Variants in SPATA31E1 observed in about 807,000 individuals in gnomAD.
The protein encoded by SPATA31E1 is SPATA31 subfamily E member 1.
A neutral mutation model predicts 12.9 loss-of-function variants in SPATA31E1; 7 were observed. That is an observed-to-expected ratio of 0.54 (90% confidence interval 0.31 to 1.02). The LOEUF is 1.02. Among genes scored for constraint, SPATA31E1 ranks in the 50% least tolerant of loss-of-function variants. The pLI, the probability that SPATA31E1 is intolerant of heterozygous loss-of-function variation, is 0.05. For synonymous variants in SPATA31E1, 771 were observed against 719.0 expected (o/e 1.07, Z -1.16); for missense variants, 1,961 against 1,799.8 (o/e 1.09, Z -1.62).
In SPATA31E1 at chr9:87,887,942, C is replaced by A; in HGVS notation, c.3455C>A (p.Thr1152Asn). 6.2e-7 allele frequency: 1 copy of A among 1,613,942 alleles called. No individual in the cohort carries two copies. Among genetic ancestry groups the A allele is most frequent in the Non-Finnish European group, 8.5e-7 (1 of 1,180,046 alleles). The change falls in exon 4 of 4, where the codon ACC becomes AAC. Residue 1152 changes from threonine (T) to asparagine (N), a missense_variant. By Grantham distance (65) the Thr-to-Asn change is moderately conservative. Transcript: ENST00000325643. ...DRLPTQAPLS[T>N]SQSVSGKNMT... is the part of the protein sequence containing the mutation. Reference sequence around the variant, plus strand: ...CTGCCCACTCAAGCCCCTCTGTCCACCTCCCAGAGTGTGTCTGGTAAGAAC... The same window carrying A: ...CTGCCCACTCAAGCCCCTCTGTCCAACTCCCAGAGTGTGTCTGGTAAGAAC...
chr9:87,883,858 TAA>T, intron 1 of SPATA31E1, 132 bp from the exon 2 acceptor site: 1 of 941,810 alleles, frequency 1.1e-6, no homozygotes, highest in Non-Finnish European at 1.6e-6. Context: ...TAAACATGAG[TAA>T]AAAGCACACA....
chr9:87,883,000 G>C lies in SPATA31E1; in HGVS notation c.109G>C (p.Asp37His), dbSNP rs151138751. 7.4e-6 allele frequency: 12 copies of C among 1,612,934 alleles called. No individual in the cohort carries two copies. The highest frequency in any genetic ancestry group is 1.1e-5 in the South Asian group (1 of 90,998). ...ACCATCTGTGGAGTGCACAGGAGAC[G>C]ACATTGCACTTCAGATGGAGAAAAT... is the stretch of plus-strand genomic sequence containing the variant. ...PRPSVECTGD[D>H]IALQMEKMLF... is the part of the protein sequence containing the mutation. Residue 37 changes from aspartate (D) to histidine (H), a missense_variant, in exon 1 of 4, where the codon GAC becomes CAC. By Grantham distance (81) the Asp-to-His change is moderately conservative. Transcript: ENST00000325643.
At chr9:87,883,916 A>C in intron 1 of SPATA31E1, 76 bp from the exon 2 acceptor site, 2 of 1,514,856 alleles carry the variant, frequency 1.3e-6, no homozygotes, top group Non-Finnish European at 1.8e-6. Flanking sequence ...CCTCATGAGC[A>C]CTGCGTGTGT....
intron 2 of SPATA31E1, among the ~76,000 whole-genome samples, 187 bp from the exon 3 acceptor site, chr9:87,884,404 T>C (rs1828224943): frequency 2.0e-5 from 3 of 152,244 alleles, no homozygotes; most frequent in African/African-American, 7.2e-5. Context: ...AAGCACTTTT[T>C]GCAAATGACA....
rs1177683970 is a variant in SPATA31E1, at chr9:87,887,451, G to C, written c.2964G>C (p.Gly988=). ...GGAAACCCAAACCCAGACTAGAGGG[G>C]AGTATGGGTTCAGAAATGGCTGGGA... is the stretch of plus-strand genomic sequence containing the variant. ...ESGKPKPRLE[G]SMGSEMAGNE... is the part of the protein sequence containing the mutation. Residue 988 remains glycine, a synonymous_variant, in exon 4 of 4, where the codon GGG becomes GGC. Coordinates refer to ENST00000325643, the MANE Select transcript of SPATA31E1 (RefSeq NM_178828.5). 6.2e-7 allele frequency: 1 copy of C among 1,613,790 alleles called. No individual in the cohort carries two copies. The highest frequency in any genetic ancestry group is 1.3e-5 in the African/African-American group (1 of 74,938).
rs1828284326 is a variant in SPATA31E1, at chr9:87,886,781, T to G, written c.2294T>G (p.Leu765Arg). 1 of 1,613,966 alleles carries G rather than the reference T, an allele frequency of 6.2e-7. No homozygotes were observed. Among genetic ancestry groups the G allele is most frequent in the African/African-American group, 1.3e-5 (1 of 74,902 alleles). The change falls in exon 4 of 4, where the codon CTG becomes CGG. Residue 765 changes from leucine to arginine, a missense_variant. Physicochemically the swap from Leu to Arg is moderately radical, Grantham distance 102. Transcript: ENST00000325643. ...GACAAGGAGCATCTGGAAAACAAGC[T>G]GCAAATCCATCTGGCCAGGAAGGTA... is the stretch of plus-strand genomic sequence containing the variant. Reference protein sequence around the residue: ...DPDKEHLENKLQIHLARKVGE... With the variant: ...DPDKEHLENKRQIHLARKVGE...
In SPATA31E1 at chr9:87,886,715, C is replaced by T. The variant is rs1354793762; in HGVS notation, c.2228C>T (p.Ser743Phe). 1 of 1,613,806 alleles carries T rather than the reference C, an allele frequency of 6.2e-7. No homozygotes were observed. Among genetic ancestry groups the T allele is most frequent in the African/African-American group, 1.3e-5 (1 of 74,916 alleles). The change falls in exon 4 of 4, where the codon TCC becomes TTC. Residue 743 changes from serine (S) to phenylalanine (F), a missense_variant. Physicochemically the swap from Ser to Phe is radical, Grantham distance 155. Transcript: ENST00000325643. ...GAGGCAGAAGGTGACTTACGGAGGT[C>T]CTGGAAGTACCAATCAGTAAGTTCC... ...DKEAEGDLRR[S>F]WKYQSVSSTP...
At position 87,887,214 on chromosome 9, in the gene SPATA31E1, A is replaced by C; in HGVS notation, c.2727A>C (p.Thr909=). Residue 909 remains threonine (T), a synonymous_variant, in exon 4 of 4, where the codon ACA becomes ACC. Transcript: ENST00000325643. ...PQNGPGDNRT[T]SKSVPTVSGP... is the part of the protein sequence containing the mutation. ...ATGGTCCAGGAGACAACAGAACAAC[A>C]AGCAAGTCAGTCCCGACCGTGAGTG... The C allele has an allele frequency of 2.5e-6, 4 of 1,614,032 alleles. No individual in the cohort carries two copies. The highest frequency in any genetic ancestry group is 3.4e-6 in the Non-Finnish European group (4 of 1,180,012).
chr9:87,887,623 G>A lies in SPATA31E1; in HGVS notation c.3136G>A (p.Glu1046Lys), dbSNP rs267602304. The A allele has an allele frequency of 6.2e-7, 1 of 1,614,198 alleles. No individual in the cohort carries two copies. Among genetic ancestry groups the A allele is most frequent in the Non-Finnish European group, 8.5e-7 (1 of 1,180,018 alleles). ...AGTGGGGGAGAAGCCCCCAACTTGG[G>A]AAGTCACCTTGGGAGCCAGTGTGAG... is the stretch of plus-strand genomic sequence containing the variant. The part of the protein sequence containing the change: ...LKVGEKPPTW[E>K]VTLGASVRAS... The change falls in exon 4 of 4, where the codon GAA (glutamate) becomes AAA (lysine). Residue 1046 changes from glutamate to lysine, a missense_variant. Glu to Lys is a moderately conservative substitution (Grantham distance 56, BLOSUM62 1). Transcript: ENST00000325643.
At position 87,885,265 on chromosome 9, in the gene SPATA31E1, G is replaced by A. The variant is rs754686978; in HGVS notation, c.778G>A (p.Asp260Asn). ...CCTGGCCTCCTCTCCACCTCCACCC[G>A]ACTCCAGCCTGGCTGGACTTCAGTG... ...GPLASSPPPP[D>N]SSLAGLQCGS... Residue 260 changes from aspartate (D) to asparagine (N), a missense_variant, in exon 4 of 4, where the codon GAC becomes AAC. Asp to Asn is a conservative substitution (Grantham distance 23). Coordinates refer to ENST00000325643, the MANE Select transcript of SPATA31E1 (RefSeq NM_178828.5). 9.3e-6 allele frequency: 15 copies of A among 1,613,794 alleles called. No homozygotes were observed. Among genetic ancestry groups the A allele is most frequent in the Admixed American group, 3.3e-5 (2 of 59,988 alleles).
In SPATA31E1 at chr9:87,888,159, C is replaced by G; in HGVS notation, c.3672C>G (p.Thr1224=). The G allele has an allele frequency of 1.2e-6, 2 of 1,612,412 alleles. No individual in the cohort carries two copies. Among genetic ancestry groups the G allele is most frequent in the Non-Finnish European group, 1.7e-6 (2 of 1,179,378 alleles). ...EQGHRSKGPR[T]SEASGRSHPA... ...GACACAGGTCCAAGGGACCCAGGAC[C>G]TCTGAAGCCAGTGGGAGGAGCCACC... Residue 1224 remains threonine, a synonymous_variant, in exon 4 of 4, where the codon ACC becomes ACG. Coordinates refer to ENST00000325643, the MANE Select transcript of SPATA31E1 (RefSeq NM_178828.5).
At position 87,887,636 on chromosome 9, in the gene SPATA31E1, G is replaced by A; in HGVS notation, c.3149G>A (p.Gly1050Glu). The A allele has an allele frequency of 6.2e-7, 1 of 1,614,182 alleles. No homozygotes were observed. Among genetic ancestry groups the A allele is most frequent in the Non-Finnish European group, 8.5e-7 (1 of 1,180,004 alleles). ...CCCCCAACTTGGGAAGTCACCTTGG[G>A]AGCCAGTGTGAGGGCAAGTTCGGGA... ...EKPPTWEVTL[G>E]ASVRASSGSV... is the part of the protein sequence containing the mutation. The change falls in exon 4 of 4, where the codon GGA becomes GAA. Residue 1050 changes from glycine to glutamate, a missense_variant. Gly to Glu is a moderately conservative substitution (Grantham distance 98, BLOSUM62 -2). Coordinates refer to ENST00000325643, the MANE Select transcript of SPATA31E1 (RefSeq NM_178828.5).
rs750358491 is a variant in SPATA31E1 at position 87,883,034 on chromosome 9, C to T, written c.143C>T (p.Pro48Leu). ...IALQMEKMLF[P>L]LKSPSATWLS... is the part of the protein sequence containing the mutation. ...CTTCAGATGGAGAAAATGCTCTTTC[C>T]TCTGAAGAGCCCTAGTGCCACATGG... The change falls in exon 1 of 4, where the codon CCT (proline) becomes CTT (leucine). Residue 48 changes from proline (P) to leucine (L), a missense_variant. By Grantham distance (98) the Pro-to-Leu change is moderately conservative. Coordinates refer to ENST00000325643, the MANE Select transcript of SPATA31E1 (RefSeq NM_178828.5). 1.2e-5 allele frequency: 19 copies of T among 1,613,570 alleles called. No homozygotes were observed. The South Asian group carries it at 2.0e-4, about 17-fold the overall frequency.
chr9:87,883,653 C>T (rs1309795291), intron 1 of SPATA31E1, among the ~76,000 whole-genome samples: 1 of 152,172 alleles, frequency 6.6e-6, no homozygotes, highest in African/African-American at 2.4e-5. Context: ...TCACCACAGC[C>T]CCATGGTACC....
In SPATA31E1 at chr9:87,885,923, C is replaced by T. The variant is rs1371607819; in HGVS notation, c.1436C>T (p.Pro479Leu). The T allele has an allele frequency of 4.3e-6, 7 of 1,613,986 alleles. No individual in the cohort carries two copies. The South Asian group carries it at 7.7e-5, about 18-fold the overall frequency. Reference sequence around the variant, plus strand: ...CTGGATAAAGCCTCCACTTCTCTTCCAGGTGAACCTGAGGTTGAGGCATCC... The same window carrying T: ...CTGGATAAAGCCTCCACTTCTCTTCTAGGTGAACCTGAGGTTGAGGCATCC... ...VPLDKASTSL[P>L]GEPEVEASSQ... The change falls in exon 4 of 4, where the codon CCA (proline) becomes CTA (leucine). Residue 479 changes from proline to leucine, a missense_variant. Coordinates refer to ENST00000325643, the MANE Select transcript of SPATA31E1 (RefSeq NM_178828.5).
chr9:87,884,317 T>C (rs1828223142), intron 2 of SPATA31E1, among the ~76,000 whole-genome samples: 1 of 152,198 alleles, frequency 6.6e-6, no homozygotes, highest in South Asian at 2.1e-4. Flanking sequence ...ACCTCAGCAA[T>C]GGCTGACTCC....
chr9:87,886,276 G>A lies in SPATA31E1; in HGVS notation c.1789G>A (p.Ala597Thr), dbSNP rs1828272079. Residue 597 changes from alanine to threonine, a missense_variant, in exon 4 of 4, where the codon GCC becomes ACC. Coordinates refer to ENST00000325643, the MANE Select transcript of SPATA31E1 (RefSeq NM_178828.5). ...KSQAVLSQPT[A>T]HLPQERPASW... is the part of the protein sequence containing the mutation. The stretch of plus-strand genomic sequence containing the variant: ...TCAGGCTGTTCTGAGCCAGCCCACT[G>A]CCCACCTTCCCCAAGAGAGGCCGGC... 6.2e-7 allele frequency: 1 copy of A among 1,613,734 alleles called. No individual in the cohort carries two copies. The highest frequency in any genetic ancestry group is 1.1e-5 in the South Asian group (1 of 91,050).
chr9:87,885,015 G>A lies in SPATA31E1; in HGVS notation c.528G>A (p.Pro176=), dbSNP rs761104251. ...CKPVPAKAHQ[P]HGKCMQDPSP... ...CAGTGCCTGCTAAGGCCCACCAGCCGCATGGGAAATGCATGCAAGATCCGT... is the reference window on the plus strand; with the variant it reads ...CAGTGCCTGCTAAGGCCCACCAGCCACATGGGAAATGCATGCAAGATCCGT... Residue 176 remains proline (P), a synonymous_variant, in exon 4 of 4, where the codon CCG becomes CCA. Transcript: ENST00000325643. 1.5e-5 allele frequency: 24 copies of A among 1,613,966 alleles called. No homozygotes were observed. The highest frequency in any genetic ancestry group is 8.8e-5 in the South Asian group (8 of 91,090).
Position 87,888,078 on chromosome 9 carries a change from G to A in SPATA31E1, c.3591G>A (p.Thr1197=), listed in dbSNP as rs756443439. The A allele has an allele frequency of 3.1e-5, 49 of 1,601,584 alleles. No individual in the cohort carries two copies. The highest frequency in any genetic ancestry group is 9.0e-5 in the East Asian group (4 of 44,258). Residue 1197 remains threonine (T), a synonymous_variant, in exon 4 of 4, where the codon ACG becomes ACA. Transcript: ENST00000325643. ...AGGCCCCACAGAAGAGTCAGAAGACGCTGGGCTGTGCGGACAAGGGCGAGG... is the reference window on the plus strand; with the variant it reads ...AGGCCCCACAGAAGAGTCAGAAGACACTGGGCTGTGCGGACAAGGGCGAGG... ...KAKAPQKSQK[T]LGCADKGEAH...
Sources: allele counts gnomAD v4.1 joint callset (sites outside exome capture counted in the v4.1 genomes callset), GRCh38; gene constraint gnomAD v4.1.1; transcripts MANE v1.5; gene names NCBI Gene and HGNC (gene_info 2026-07-23, HGNC 2026-07-21).